The following OR10K1 variants were observed in gnomAD, a reference collection of about 807,000 sequenced individuals.
The protein encoded by OR10K1 is olfactory receptor 10K1.
For missense variants in OR10K1, 404 were observed against 373.3 expected (o/e 1.08, Z -0.68); for synonymous variants, 186 against 152.5 (o/e 1.22, Z -1.62).
intron 1 of OR10K1, among the ~76,000 whole-genome samples, chr1:158,462,264 A>G (rs1655934932): frequency 6.9e-6 from 1 of 144,244 alleles, no homozygotes; most frequent in Non-Finnish European, 1.5e-5. Flanking sequence ...TGGGAAACAG[A>G]GTGAGACTCC....
chr1:158,465,280 G>A, intron 1 of OR10K1, 126 bp from the exon 2 acceptor site: 1 of 465,864 alleles, frequency 2.1e-6, no homozygotes, highest in Middle Eastern at 5.7e-4. Context: ...TGTTACATAA[G>A]AAGGAAAACT....
Position 158,466,751 on chromosome 1 carries a change from A to T in OR10K1, c.*248A>T, listed in dbSNP as rs1656051681. ...ATTTAATTATATTTTACTGCTTTAA[A>T]TATTGCTAATTTAAAAACTAATATG... On this transcript the variant is annotated 3_prime_UTR_variant, in exon 2 of 2. Transcript: ENST00000641535. The T allele has an allele frequency of 4.3e-6, 2 of 461,230 alleles. No homozygotes were observed. Among genetic ancestry groups the T allele is most frequent in the African/African-American group, 2.0e-5 (1 of 49,336 alleles). The allele number at this position is 461,230 out of a possible 1,614,324, so 28.6% of individuals were successfully genotyped here. A position where few individuals can be genotyped will look rare whatever the true frequency, so the allele number is the denominator to read the frequency against.
chr1:158,463,720 C>T (rs750868026), intron 1 of OR10K1, among the ~76,000 whole-genome samples: 6 of 152,130 alleles, frequency 3.9e-5, no homozygotes, highest in Non-Finnish European at 7.4e-5. Context: ...TAGATTTCCT[C>T]ATTGTTTTGA....
Position 158,466,225 on chromosome 1 carries a change from A to G in OR10K1, c.664A>G (p.Ile222Val). 1.9e-6 allele frequency: 3 copies of G among 1,614,128 alleles called. No homozygotes were observed. Among genetic ancestry groups the G allele is most frequent in the Non-Finnish European group, 1.7e-6 (2 of 1,180,034 alleles). Residue 222 changes from isoleucine (I) to valine (V), a missense_variant, in exon 2 of 2, where the codon ATC becomes GTC. Ile to Val is a conservative substitution (Grantham distance 29, BLOSUM62 3). Coordinates refer to ENST00000641535, the MANE Select transcript of OR10K1 (RefSeq NM_001004473.2). ...LLILVSYIRI[I>V]SAILKIPSSV... ...TATCCTAGTCTCCTACATCCGCATC[A>G]TCTCTGCCATTCTAAAAATCCCTTC...
chr1:158,466,077 C>A lies in OR10K1; in HGVS notation c.516C>A (p.Asn172Lys). 1 of 1,614,126 alleles carries A rather than the reference C, an allele frequency of 6.2e-7. No individual in the cohort carries two copies. Residue 172 changes from asparagine (N) to lysine (K), a missense_variant, in exon 2 of 2, where the codon AAC (asparagine) becomes AAA (lysine). Transcript: ENST00000641535. ...LVFHLPFHSS[N>K]QLHHFFCDIS... is the part of the protein sequence containing the mutation. Reference sequence around the variant, plus strand: ...TTCATCTGCCCTTCCACTCCTCCAACCAGCTCCATCACTTCTTCTGTGACA... The same window carrying A: ...TTCATCTGCCCTTCCACTCCTCCAAACAGCTCCATCACTTCTTCTGTGACA...
rs1387049740 is a variant in OR10K1 at position 158,465,485 on chromosome 1, C to A, written c.-77C>A. 2.7e-6 allele frequency: 3 copies of A among 1,122,988 alleles called. No individual in the cohort carries two copies. Among genetic ancestry groups the A allele is most frequent in the Non-Finnish European group, 3.8e-6 (3 of 780,742 alleles). The allele number at this position is 1,122,988 out of a possible 1,614,324, so 69.6% of individuals were successfully genotyped here. A position where few individuals can be genotyped will look rare whatever the true frequency, so the allele number is the denominator to read the frequency against. ...CACCTGCAAACTTTGTGTGAAATTTCCCGTACATTTCCACTCTCCTTTCTG... is the reference window on the plus strand; with the variant it reads ...CACCTGCAAACTTTGTGTGAAATTTACCGTACATTTCCACTCTCCTTTCTG... On this transcript the variant is annotated 5_prime_UTR_variant, in exon 2 of 2. Coordinates refer to ENST00000641535, the MANE Select transcript of OR10K1 (RefSeq NM_001004473.2).
intron 1 of OR10K1, among the ~76,000 whole-genome samples, chr1:158,463,933 T>C (rs1026047781): frequency 6.6e-6 from 1 of 152,120 alleles, no homozygotes; most frequent in African/African-American, 2.4e-5. Flanking sequence ...GTAATTATAT[T>C]AACTAAGTTT....
rs548630021 is a variant in OR10K1 at position 158,465,391 on chromosome 1, T to C, written c.-156-15T>C. 30 of 623,934 alleles carry C rather than the reference T, an allele frequency of 4.8e-5. No individual in the cohort carries two copies. In the African/African-American group the frequency reaches 5.3e-4, roughly 11 times the overall value. The allele number at this position is 623,934 out of a possible 1,614,324, so 38.6% of individuals were successfully genotyped here. A position where few individuals can be genotyped will look rare whatever the true frequency, so the allele number is the denominator to read the frequency against. ...CAGTTATTCTTTTGCATATTTTGCC[T>C]AATTCTTCTTTTAGCAGGCATTTTA... On this transcript the variant is annotated splice_polypyrimidine_tract_variant and intron_variant, in intron 1 of 1. Transcript: ENST00000641535.
chr1:158,462,847 C>G (rs1472055786), intron 1 of OR10K1, among the ~76,000 whole-genome samples: 1 of 152,170 alleles, frequency 6.6e-6, no homozygotes, highest in Non-Finnish European at 1.5e-5. Flanking sequence ...AGTGGAGCAT[C>G]TGAGGAATTA....
At chr1:158,464,059 A>T (rs934864380) in intron 1 of OR10K1, among the ~76,000 whole-genome samples, 1 of 152,208 alleles carries the variant, frequency 6.6e-6, no homozygotes, top group Admixed American at 6.5e-5. Flanking sequence ...AAACAAAAAA[A>T]GTTGCTATTG....
Position 158,466,352 on chromosome 1 carries a change from C to T in OR10K1, c.791C>T (p.Thr264Ile). 6.2e-7 allele frequency: 1 copy of T among 1,614,008 alleles called. No individual in the cohort carries two copies. The highest frequency in any genetic ancestry group is 8.5e-7 in the Non-Finnish European group (1 of 1,179,950). ...TCTTTCATCTACTTAAGGCCCAAGACTAATTACACTTCAAGCCAAGACACC... is the reference window on the plus strand; with the variant it reads ...TCTTTCATCTACTTAAGGCCCAAGATTAATTACACTTCAAGCCAAGACACC... ...CASFIYLRPKTNYTSSQDTLI... is the reference protein window; with the variant it reads ...CASFIYLRPKINYTSSQDTLI... The change falls in exon 2 of 2, where the codon ACT becomes ATT. Residue 264 changes from threonine (T) to isoleucine (I), a missense_variant. By Grantham distance (89) the Thr-to-Ile change is moderately conservative (BLOSUM62 -1). Transcript: ENST00000641535.
In OR10K1 at chr1:158,467,425, T is replaced by A. The variant is rs1303824685; in HGVS notation, c.*922T>A. 6.6e-6 allele frequency: 1 copy of A among 152,172 alleles called. No individual in the cohort carries two copies. Among genetic ancestry groups the A allele is most frequent in the East Asian group, 1.9e-4 (1 of 5,198 alleles). 9.4% of individuals were successfully genotyped at this position (152,172 alleles called of 1,614,324 possible). On this transcript the variant is annotated 3_prime_UTR_variant, in exon 2 of 2. Coordinates refer to ENST00000641535, the MANE Select transcript of OR10K1 (RefSeq NM_001004473.2). Reference sequence around the variant, plus strand: ...TCATTTCTAATTTTGTTATTCTCCATTTTCTATATGCCTTTTGTACACTCT... The same window carrying A: ...TCATTTCTAATTTTGTTATTCTCCAATTTCTATATGCCTTTTGTACACTCT...
In OR10K1 at chr1:158,466,699, G is replaced by A. The variant is rs2101667271; in HGVS notation, c.*196G>A. ...ACTTTAACAAGACTAATCAGATATGGGAACAGAGCACACAGTTCCATAACA... is the reference window on the plus strand; with the variant it reads ...ACTTTAACAAGACTAATCAGATATGAGAACAGAGCACACAGTTCCATAACA... On this transcript the variant is annotated 3_prime_UTR_variant, in exon 2 of 2. Coordinates refer to ENST00000641535, the MANE Select transcript of OR10K1 (RefSeq NM_001004473.2). 1 of 579,178 alleles carries A rather than the reference G, an allele frequency of 1.7e-6. No individual in the cohort carries two copies. The highest frequency in any genetic ancestry group is 1.9e-5 in the African/African-American group (1 of 53,114). 35.9% of individuals were successfully genotyped at this position (579,178 alleles called of 1,614,324 possible). A position where few individuals can be genotyped will look rare whatever the true frequency, so the allele number is the denominator to read the frequency against.
At position 158,466,190 on chromosome 1, in the gene OR10K1, C is replaced by A; in HGVS notation, c.629C>A (p.Pro210His). Residue 210 changes from proline to histidine, a missense_variant, in exon 2 of 2, where the codon CCT becomes CAT. Physicochemically the swap from Pro to His is moderately conservative, Grantham distance 77 (BLOSUM62 -2). Transcript: ENST00000641535. ...CTTGGTGTATTTGCCTTGGTCATTC[C>A]TCTGCTACTTATCCTAGTCTCCTAC... ...FMLGVFALVI[P>H]LLLILVSYIR... The A allele has an allele frequency of 6.2e-7, 1 of 1,614,156 alleles. No homozygotes were observed. Among genetic ancestry groups the A allele is most frequent in the Non-Finnish European group, 8.5e-7 (1 of 1,180,032 alleles).
At chr1:158,462,347 A>G (rs1169152264) in intron 1 of OR10K1, among the ~76,000 whole-genome samples, 2 of 81,372 alleles carry the variant, frequency 2.5e-5, no homozygotes, top group Admixed American at 1.1e-4. Flanking sequence ...TCATAGCTAG[A>G]TTTTATTTTC....
At chr1:158,465,380 C>T in intron 1 of OR10K1, 26 bp from the exon 2 acceptor site, 2 of 607,708 alleles carry the variant, frequency 3.3e-6, no homozygotes, top group South Asian at 4.1e-5. Context: ...TATTCTTTTG[C>T]ATATTTTGCC....
intron 1 of OR10K1, among the ~76,000 whole-genome samples, chr1:158,464,784 G>A (rs1655999841): frequency 1.3e-5 from 2 of 152,262 alleles, no homozygotes; most frequent in African/African-American, 2.4e-5. Flanking sequence ...GAGTAGCTGG[G>A]ATTACAGGTG....
At position 158,466,319 on chromosome 1, in the gene OR10K1, G is replaced by A. The variant is rs1656038923; in HGVS notation, c.758G>A (p.Ser253Asn). 6.2e-7 allele frequency: 1 copy of A among 1,614,088 alleles called. No individual in the cohort carries two copies. The change falls in exon 2 of 2, where the codon AGT becomes AAT. Residue 253 changes from serine (S) to asparagine (N), a missense_variant. Transcript: ENST00000641535. The stretch of plus-strand genomic sequence containing the variant: ...CTCATTGTGGTAACTGTTCACTACA[G>A]TTGTGCCTCTTTCATCTACTTAAGG... ...SHLIVVTVHYSCASFIYLRPK... is the reference protein window; with the variant it reads ...SHLIVVTVHYNCASFIYLRPK...
At chr1:158,465,118 G>C (rs544761466) in intron 1 of OR10K1, among the ~76,000 whole-genome samples, 1 of 152,206 alleles carries the variant, frequency 6.6e-6, no homozygotes, top group East Asian at 1.9e-4. Context: ...TTTCATGGTT[G>C]GATAAACTGA....
Sources: allele counts gnomAD v4.1 joint callset (sites outside exome capture counted in the v4.1 genomes callset), GRCh38; gene constraint gnomAD v4.1.1; transcripts MANE v1.5; gene names NCBI Gene and HGNC (gene_info 2026-07-23, HGNC 2026-07-21).